Variants in AGBL1 observed in about 807,000 individuals in gnomAD.
AGBL1 encodes cytosolic carboxypeptidase 4.
Under a neutral mutation model 118.9 loss-of-function variants are expected in AGBL1, and 130 were observed. That is an observed-to-expected ratio of 1.09 (90% CI 0.95 to 1.26). AGBL1 has a LOEUF of 1.26. Ranked by LOEUF, AGBL1 falls within the 50% of genes most tolerant of loss-of-function variation. The pLI, the probability that AGBL1 is intolerant of heterozygous loss-of-function variation, is 0.00. For synonymous variants in AGBL1, 555 were observed against 478.9 expected, an observed-to-expected ratio of 1.16 and a Z score of -2.08; for missense variants, 1,584 against 1,298.1, an observed-to-expected ratio of 1.22 and a Z score of -3.38.
intron 5 of AGBL1, among the ~76,000 whole-genome samples, chr15:86,182,957 G>T (rs1031801910): frequency 6.6e-6 from 1 of 152,194 alleles, no homozygotes; most frequent in Non-Finnish European, 1.5e-5. Context: ...TCACTAATAT[G>T]ATGCTCCCCA....
At chr15:86,606,066 G>T (rs1439759311) in intron 21 of AGBL1, among the ~76,000 whole-genome samples, 1 of 140,206 alleles carries the variant, frequency 7.1e-6, no homozygotes, top group African/African-American at 2.7e-5. Flanking sequence ...GGCAGAGGTT[G>T]CAGTGAGCCA....
chr15:86,279,645 T>C lies in AGBL1; in HGVS notation c.2082T>C (p.His694=), dbSNP rs539061519. 2.5e-6 allele frequency: 4 copies of C among 1,613,126 alleles called. No individual in the cohort carries two copies. The highest frequency in any genetic ancestry group is 3.4e-6 in the Non-Finnish European group (4 of 1,179,218). ...TCTCCTCCTCTCTCTTTAGAAATCATTATCGCCAGAGTACAGCTGTTGCAG... is the reference window on the plus strand; with the variant it reads ...TCTCCTCCTCTCTCTTTAGAAATCACTATCGCCAGAGTACAGCTGTTGCAG... The part of the protein sequence containing the change: ...TGHEICYYKN[H]YRQSTAVAGG... Residue 694 remains histidine (H), a synonymous_variant, in exon 16 of 23, where the codon CAT becomes CAC. Transcript: ENST00000614907.
chr15:86,445,805 C>T (rs769178257), intron 18 of AGBL1, among the ~76,000 whole-genome samples: 2 of 152,226 alleles, frequency 1.3e-5, no homozygotes, highest in South Asian at 2.1e-4. Context: ...CTCCACTGAG[C>T]TGTGACTCAG....
chr15:86,525,459 C>T (rs1483076406), intron 19 of AGBL1, among the ~76,000 whole-genome samples: 1 of 152,028 alleles, frequency 6.6e-6, no homozygotes, highest in Non-Finnish European at 1.5e-5. Flanking sequence ...AATCTGAAGG[C>T]ATCACATTAC....
intron 4 of AGBL1, 94 bp from the exon 5 acceptor site, chr15:86,158,839 T>G: frequency 9.8e-7 from 1 of 1,016,048 alleles, no homozygotes; most frequent in East Asian, 2.5e-5. Flanking sequence ...TTTATCAAGT[T>G]GCCCCTTAAA....
intron 22 of AGBL1, among the ~76,000 whole-genome samples, chr15:86,751,837 A>G (rs1567156327): frequency 2.0e-5 from 3 of 152,096 alleles, no homozygotes; most frequent in African/African-American, 7.2e-5. Flanking sequence ...GCACATCCTA[A>G]ATACACACAG....
intron 16 of AGBL1, among the ~76,000 whole-genome samples, chr15:86,290,360 T>C (rs1413693634): frequency 7.8e-6 from 1 of 128,472 alleles, no homozygotes; most frequent in Admixed American, 8.1e-5. Context: ...TTTTTTTTTT[T>C]CTATTTTTAA....
chr15:86,266,507 A>C, intron 12 of AGBL1, 50 bp downstream of exon 12: 1 of 1,311,820 alleles, frequency 7.6e-7, no homozygotes, highest in Non-Finnish European at 1.1e-6. Flanking sequence ...GAATTCTCTT[A>C]ATGGCATGAG....
chr15:86,554,353 T>C lies in AGBL1; in HGVS notation c.2818-8T>C. 6.4e-7 allele frequency: 1 copy of C among 1,557,040 alleles called. No homozygotes were observed. Among genetic ancestry groups the C allele is most frequent in the Non-Finnish European group, 8.7e-7 (1 of 1,152,416 alleles). On this transcript the variant is annotated splice_region_variant and splice_polypyrimidine_tract_variant and intron_variant, in intron 20 of 22. Coordinates refer to ENST00000614907, the MANE Select transcript of AGBL1 (RefSeq NM_001386094.1). The stretch of plus-strand genomic sequence containing the variant: ...CTAATCATCGTTTGATTTTTGTTTT[T>C]ACTGTAGACTCTTCCCAAAATCCTT...
At chr15:86,578,409 TC>T (rs2084124862) in intron 21 of AGBL1, among the ~76,000 whole-genome samples, 1 of 152,182 alleles carries the variant, frequency 6.6e-6, no homozygotes, top group Non-Finnish European at 1.5e-5. Flanking sequence ...TTTTACTGGC[TC>T]ATAGCCAGAA....
intron 22 of AGBL1, among the ~76,000 whole-genome samples, chr15:86,708,028 T>G (rs1184527309): frequency 2.0e-5 from 3 of 152,166 alleles, no homozygotes; most frequent in Non-Finnish European, 4.4e-5. Context: ...TTCTTTCATT[T>G]TCCTTCTGTA....
At chr15:86,725,013 A>G (rs1383396753) in intron 22 of AGBL1, among the ~76,000 whole-genome samples, 1 of 152,200 alleles carries the variant, frequency 6.6e-6, no homozygotes. Context: ...AGCAATGCAA[A>G]AATGGCCGAA....
intron 22 of AGBL1, among the ~76,000 whole-genome samples, chr15:86,827,348 T>TACAC (rs2079029576): frequency 2.2e-4 from 2 of 9,096 alleles, no homozygotes; most frequent in South Asian, 3.6e-3. Context: ...TGTGTATATA[T>TACAC]ATATATATAT....
intron 5 of AGBL1, among the ~76,000 whole-genome samples, chr15:86,163,988 G>A (rs1431328007): frequency 3.3e-5 from 5 of 152,220 alleles, no homozygotes; most frequent in African/African-American, 7.2e-5. Flanking sequence ...GGAATGAGGT[G>A]CCTTCTGGGA....
chr15:86,710,946 G>C lies in AGBL1; in HGVS notation c.3158+36510G>C, dbSNP rs566682065. On this transcript the variant is annotated intron_variant, in intron 22 of 22. Transcript: ENST00000614907. ...ATAATAGTTTCTTTCCAGGGTTCTT[G>C]AGAAGAACAAATCCAATGGTTTTAA... Among the ~76,000 whole-genome samples the C allele has an allele frequency of 4.6e-5, 7 of 152,252 alleles. No individual in the cohort carries two copies. In the South Asian group the frequency reaches 1.5e-3, roughly 32 times the overall value.
chr15:86,276,080 C>A lies in AGBL1; in HGVS notation c.2076-3559C>A, dbSNP rs188460010. Among the ~76,000 whole-genome samples, 78 of 152,254 alleles carry A rather than the reference C, an allele frequency of 5.1e-4. 1 individual carries two copies. Among genetic ancestry groups the A allele is most frequent in the African/African-American group, 1.6e-3 (66 of 41,556 alleles). The stretch of plus-strand genomic sequence containing the variant: ...TATTTTTAATAATTAGTAAAAACAT[C>A]TTAGTGGCATCAAATACCAATGATA... On this transcript the variant is annotated intron_variant, in intron 15 of 22. Transcript: ENST00000614907.
intron 18 of AGBL1, among the ~76,000 whole-genome samples, chr15:86,412,896 T>A (rs1410583576): frequency 1.3e-5 from 2 of 152,188 alleles, no homozygotes; most frequent in East Asian, 3.8e-4. Flanking sequence ...CTTTTAATTC[T>A]CACACAACCC....
At chr15:86,954,063 A>G (rs2080906026) in intron 23 of AGBL1, among the ~76,000 whole-genome samples, 1 of 152,196 alleles carries the variant, frequency 6.6e-6, no homozygotes, top group Non-Finnish European at 1.5e-5. Context: ...CAGTCTGGCT[A>G]TTAATAAAAT....
At chr15:86,713,344 G>A (rs564019972) in intron 22 of AGBL1, among the ~76,000 whole-genome samples, 33 of 152,264 alleles carry the variant, frequency 2.2e-4, no homozygotes, top group Non-Finnish European at 3.4e-4. Flanking sequence ...GTTATGAAGC[G>A]TTGCTGTGGA....
Sources: allele counts gnomAD v4.1 joint callset (sites outside exome capture counted in the v4.1 genomes callset), GRCh38; gene constraint gnomAD v4.1.1; transcripts MANE v1.5; gene names NCBI Gene and HGNC (gene_info 2026-07-23, HGNC 2026-07-21).